LRCH1: variants seen among roughly 807,000 people sequenced by gnomAD.
LRCH1 encodes leucine-rich repeat and calponin homology domain-containing protein 1.
LRCH1 carries 23 observed loss-of-function variants against 94.9 expected under a neutral mutation model. The ratio of observed to expected loss-of-function variants is 0.24; its 90% CI spans 0.17 to 0.34. The LOEUF (loss-of-function observed/expected upper bound fraction) is 0.34, where lower values mean the gene tolerates loss of function less well. Ranked by LOEUF, LRCH1 falls within the 10% of genes least tolerant of loss-of-function variation. The pLI is 1.00. For missense variants in LRCH1, 790 were observed against 945.9 expected (o/e 0.84, Z 2.16); for synonymous variants, 364 against 354.9 (o/e 1.03, Z -0.29).
intron 1 of LRCH1, among the ~76,000 whole-genome samples, chr13:46,596,125 A>C (rs2050560238): frequency 6.6e-6 from 1 of 152,186 alleles, no homozygotes; most frequent in Admixed American, 6.5e-5. Flanking sequence ...TGAGGTTTGG[A>C]TGGTTATCAT....
chr13:46,709,189 G>T (rs1263839180), intron 13 of LRCH1, among the ~76,000 whole-genome samples: 1 of 152,178 alleles, frequency 6.6e-6, no homozygotes, highest in African/African-American at 2.4e-5. Flanking sequence ...AGCTTCATGG[G>T]TTTTTCCTGA....
At chr13:46,605,144 C>T (rs1225645162) in intron 1 of LRCH1, among the ~76,000 whole-genome samples, 3 of 152,180 alleles carry the variant, frequency 2.0e-5, no homozygotes, top group African/African-American at 7.2e-5. Context: ...CTGTCCTTTC[C>T]AAATCTTAAT....
At chr13:46,747,620 G>T (rs886360343), downstream of LRCH1, among the ~76,000 whole-genome samples, 3 of 152,216 alleles carry the variant, frequency 2.0e-5, no homozygotes, top group African/African-American at 7.2e-5. Flanking sequence ...GTGCTGCACT[G>T]CCTTAGGCAA....
intron 8 of LRCH1, among the ~76,000 whole-genome samples, chr13:46,693,619 G>T (rs1041654992): frequency 6.6e-6 from 1 of 152,144 alleles, no homozygotes; most frequent in African/African-American, 2.4e-5. Flanking sequence ...TAATACCAAA[G>T]GTCCAGTGTA....
intron 1 of LRCH1, among the ~76,000 whole-genome samples, chr13:46,612,448 A>G (rs2050757883): frequency 6.6e-6 from 1 of 152,214 alleles, no homozygotes; most frequent in Non-Finnish European, 1.5e-5. Context: ...ACATGACATA[A>G]TGCTGTGCCA....
At chr13:46,721,241 A>C (rs1322498452) in intron 16 of LRCH1, among the ~76,000 whole-genome samples, 1 of 152,226 alleles carries the variant, frequency 6.6e-6, no homozygotes, top group Non-Finnish European at 1.5e-5. Flanking sequence ...AACATATTGA[A>C]AATATTATTA....
chr13:46,593,499 C>G (rs1351111355), intron 1 of LRCH1, among the ~76,000 whole-genome samples: 1 of 152,238 alleles, frequency 6.6e-6, no homozygotes, highest in Non-Finnish European at 1.5e-5. Context: ...CAGGATAAAT[C>G]AAAGTGACTT....
At chr13:46,738,511 G>A (rs1235872762) in intron 19 of LRCH1, among the ~76,000 whole-genome samples, 1 of 152,176 alleles carries the variant, frequency 6.6e-6, no homozygotes. Context: ...ACTGATTGAA[G>A]TTTTTGTTTT....
At chr13:46,622,010 A>G (rs2050885764) in intron 1 of LRCH1, among the ~76,000 whole-genome samples, 1 of 152,210 alleles carries the variant, frequency 6.6e-6, no homozygotes, top group African/African-American at 2.4e-5. Context: ...CATAAAGCAA[A>G]CATTACATTA....
chr13:46,705,295 G>C lies in LRCH1; in HGVS notation c.1518G>C (p.Pro506=). 6.2e-7 allele frequency: 1 copy of C among 1,613,026 alleles called. No homozygotes were observed. Among genetic ancestry groups the C allele is most frequent in the Non-Finnish European group, 8.5e-7 (1 of 1,179,558 alleles). Residue 506 remains proline, a synonymous_variant, in exon 13 of 20, where the codon CCG becomes CCC. Coordinates refer to ENST00000389797, the MANE Select transcript of LRCH1 (RefSeq NM_001164211.2). The part of the protein sequence containing the change: ...LNGQIQLETS[P]VCEVQSDLTL... ...GTCAAATACAGCTGGAGACATCTCC[G>C]GTGTGTGAGGTAAGGCTGCTGGTAG...
At chr13:46,588,750 G>A (rs902166803) in intron 1 of LRCH1, among the ~76,000 whole-genome samples, 3 of 151,744 alleles carry the variant, frequency 2.0e-5, no homozygotes, top group African/African-American at 4.8e-5. Context: ...ACAGGCGCCC[G>A]CCACTACATC....
At chr13:46,586,660 C>A (rs1018262482) in intron 1 of LRCH1, among the ~76,000 whole-genome samples, 3 of 152,208 alleles carry the variant, frequency 2.0e-5, no homozygotes, top group African/African-American at 7.2e-5. Flanking sequence ...TCAAAGCAAT[C>A]CGCTGGCCTC....
At chr13:46,628,597 C>T (rs563759883) in intron 1 of LRCH1, among the ~76,000 whole-genome samples, 1 of 147,586 alleles carries the variant, frequency 6.8e-6, no homozygotes, top group African/African-American at 2.5e-5. Flanking sequence ...GCAGAGGTTG[C>T]AGTGAGCCGA....
rs140228523 is a variant in LRCH1, at chr13:46,668,745, G to A, written c.453-285G>A. ...GGCGGTGGCGGGGTGGCGGGGTGGCGGGGGGACTTTGATGGCATTCCTTGT... is the reference window on the plus strand; with the variant it reads ...GGCGGTGGCGGGGTGGCGGGGTGGCAGGGGGACTTTGATGGCATTCCTTGT... On this transcript the variant is annotated intron_variant, in intron 2 of 19. Coordinates refer to ENST00000389797, the MANE Select transcript of LRCH1 (RefSeq NM_001164211.2). Among the ~76,000 whole-genome samples, 1,034 of 139,470 alleles carry A rather than the reference G, an allele frequency of 7.4e-3. 50 individuals are homozygous for A. In the East Asian group the frequency reaches 0.15, roughly 20 times the overall value. 91.5% of individuals were successfully genotyped at this position (139,470 alleles called of 152,430 possible). A position where few individuals can be genotyped will look rare whatever the true frequency, so the allele number is the denominator to read the frequency against.
intron 1 of LRCH1, among the ~76,000 whole-genome samples, chr13:46,602,949 C>A (rs1027447629): frequency 7.2e-6 from 1 of 138,254 alleles, no homozygotes; most frequent in Non-Finnish European, 1.5e-5. Flanking sequence ...ACCCGGTCAA[C>A]AAATACATAC....
At chr13:46,623,693 G>GTTTTTTTTTTTTTTTT (rs5803361) in intron 1 of LRCH1, among the ~76,000 whole-genome samples, 104 of 128,408 alleles carry the variant, frequency 8.1e-4, no homozygotes, top group East Asian at 1.1e-3. Context: ...CCCTGTCTCT[G>GTTTTTTTTTTTTTTTT]TTTTTTTTTT....
At chr13:46,577,186 T>A (rs1331608576) in intron 1 of LRCH1, among the ~76,000 whole-genome samples, 1 of 152,068 alleles carries the variant, frequency 6.6e-6, no homozygotes. Context: ...AACCTCCACC[T>A]CCAGAGTTCA....
intron 1 of LRCH1, among the ~76,000 whole-genome samples, chr13:46,584,498 A>G (rs1240719621): frequency 1.3e-5 from 2 of 152,216 alleles, no homozygotes; most frequent in African/African-American, 2.4e-5. Flanking sequence ...CTGTTATCAC[A>G]TGGCAAGTAG....
chr13:46,727,722 C>A (rs1872891463), intron 17 of LRCH1, among the ~76,000 whole-genome samples: 1 of 152,038 alleles, frequency 6.6e-6, no homozygotes, highest in African/African-American at 2.4e-5. Flanking sequence ...ATGTCAATAT[C>A]CTGGTTGTTT....
Sources: allele counts gnomAD v4.1 joint callset (sites outside exome capture counted in the v4.1 genomes callset), GRCh38; gene constraint gnomAD v4.1.1; transcripts MANE v1.5; gene names NCBI Gene and HGNC (gene_info 2026-07-23, HGNC 2026-07-21).